Variants in SNX25 observed in about 807,000 individuals in gnomAD.
SNX25 encodes sorting nexin-25.
Under a neutral mutation model 113.7 loss-of-function variants are expected in SNX25, and 62 were observed. The observed-to-expected ratio is 0.55, with a 90% CI of 0.44 to 0.67. The LOEUF is 0.67. SNX25 is among the 30% of genes least tolerant of loss of function. The pLI, the probability that SNX25 is intolerant of heterozygous loss-of-function variation, is 0.00. For missense variants in SNX25, 1,014 were observed against 1,161.0 expected, an observed-to-expected ratio of 0.87 and a Z score of 1.84; for synonymous variants, 421 against 436.2, an observed-to-expected ratio of 0.97 and a Z score of 0.43.
At chr4:185,264,722 G>C in intron 4 of SNX25, 112 bp downstream of exon 4, 1 of 1,163,242 alleles carries the variant, frequency 8.6e-7, no homozygotes, top group Non-Finnish European at 1.2e-6. Flanking sequence ...TCAAAATCTT[G>C]TTTATATGTC....
intron 5 of SNX25, among the ~76,000 whole-genome samples, chr4:185,271,470 A>T (rs997461542): frequency 1.9e-4 from 29 of 152,134 alleles, no homozygotes; most frequent in Admixed American, 3.9e-4. Context: ...GCTGGTCTTG[A>T]ACTCCTGGCC....
At chr4:185,275,749 A>G (rs1238999456) in intron 5 of SNX25, among the ~76,000 whole-genome samples, 2 of 152,230 alleles carry the variant, frequency 1.3e-5, no homozygotes, top group East Asian at 3.8e-4. Flanking sequence ...GTACCTCCAT[A>G]CAAACTAATA....
chr4:185,275,830 T>A (rs1579579270), intron 5 of SNX25, among the ~76,000 whole-genome samples: 1 of 152,258 alleles, frequency 6.6e-6, no homozygotes, highest in Middle Eastern at 3.4e-3. Context: ...GACAAGGAGA[T>A]GAAAAATCAT....
chr4:185,267,042 C>T lies in SNX25; in HGVS notation c.978C>T (p.Tyr326=). Residue 326 remains tyrosine, a synonymous_variant, in exon 5 of 19, where the codon TAC becomes TAT. Coordinates refer to ENST00000652585, the MANE Select transcript of SNX25 (RefSeq NM_001378034.2). The part of the protein sequence containing the change: ...INQMLLAQLA[Y]REQMNEHHKR... ...AAATGCTGCTTGCCCAGCTGGCGTACAGAGAGCAAATGAATGAGCATCACA... is the reference window on the plus strand; with the variant it reads ...AAATGCTGCTTGCCCAGCTGGCGTATAGAGAGCAAATGAATGAGCATCACA... 6.2e-7 allele frequency: 1 copy of T among 1,614,040 alleles called. No homozygotes were observed. Among genetic ancestry groups the T allele is most frequent in the Non-Finnish European group, 8.5e-7 (1 of 1,179,962 alleles).
At chr4:185,306,900 T>G (rs1485205085) in intron 6 of SNX25, among the ~76,000 whole-genome samples, 1 of 151,930 alleles carries the variant, frequency 6.6e-6, no homozygotes, top group Non-Finnish European at 1.5e-5. Context: ...TTTTTCCTGT[T>G]GAGATAAATG....
chr4:185,323,717 A>G lies in SNX25; in HGVS notation c.1666A>G (p.Ile556Val). 6.2e-7 allele frequency: 1 copy of G among 1,613,810 alleles called. No homozygotes were observed. The highest frequency in any genetic ancestry group is 8.5e-7 in the Non-Finnish European group (1 of 1,179,818). ...TLKDRYYPSF[I>V]VSDLYEKLLI... ...AAAGGATAGGTATTACCCTTCATTT[A>G]TTGTCAGTGACCTGTATGAGAAATT... The change falls in exon 9 of 19, where the codon ATT (isoleucine) becomes GTT (valine). Residue 556 changes from isoleucine to valine, a missense_variant. Transcript: ENST00000652585.
chr4:185,347,448 T>TTTTTGTTTTG (rs1228177028), intron 13 of SNX25, among the ~76,000 whole-genome samples: 6 of 151,716 alleles, frequency 4.0e-5, no homozygotes, highest in African/African-American at 1.5e-4. Context: ...TTGGTGTTTT[T>TTTTTGTTTTG]TTTTGTTTTC....
chr4:185,222,432 GCCCTATACCCCTCCCTCGC>G (rs1560901983), intron 1 of SNX25, among the ~76,000 whole-genome samples: 3 of 148,358 alleles, frequency 2.0e-5, no homozygotes, highest in Admixed American at 6.7e-5. Flanking sequence ...GGTATTCAGC[GCCCTATACCCCTCCCTCGC>G]GGTAGGTATT....
chr4:185,309,446 G>A (rs1332043332), intron 6 of SNX25, among the ~76,000 whole-genome samples: 2 of 152,314 alleles, frequency 1.3e-5, no homozygotes, highest in African/African-American at 2.4e-5. Context: ...CATTGCAGCC[G>A]TTTTTGGAAA....
the SNX25 span, chr4:185,378,491 T>TG: frequency 8.9e-7 from 1 of 1,129,620 alleles, no homozygotes; most frequent in African/African-American, 1.6e-5. Context: ...TACATCAAGA[T>TG]GGGTCAAGTC....
At position 185,362,653 on chromosome 4, in the gene SNX25, G is replaced by T. The variant is rs746081826; in HGVS notation, c.2876G>T (p.Gly959Val). The change falls in exon 18 of 19, where the codon GGT becomes GTT. Residue 959 changes from glycine to valine, a missense_variant. Physicochemically the swap from Gly to Val is moderately radical, Grantham distance 109. Coordinates refer to ENST00000652585, the MANE Select transcript of SNX25 (RefSeq NM_001378034.2). ...SLVGQQNARH[G>V]IIKIFNALQE... is the part of the protein sequence containing the mutation. ...GTTGGACAGCAAAATGCCCGCCACGGTATAATAAAAATATTCAATGCACTG... is the reference window on the plus strand; with the variant it reads ...GTTGGACAGCAAAATGCCCGCCACGTTATAATAAAAATATTCAATGCACTG... 1 of 1,613,898 alleles carries T rather than the reference G, an allele frequency of 6.2e-7. No homozygotes were observed.
intron 1 of SNX25, among the ~76,000 whole-genome samples, chr4:185,237,580 A>G (rs1394168140): frequency 6.6e-6 from 1 of 152,064 alleles, no homozygotes; most frequent in East Asian, 1.9e-4. Flanking sequence ...TGTATTTGTG[A>G]TACTGTCTGG....
chr4:185,369,669 A>T (rs567833601), intron 11 of SNX25: 9 of 398,908 alleles, frequency 2.3e-5, no homozygotes, highest in African/African-American at 1.9e-4. Context: ...TTTATGTTTT[A>T]ATATGGCTTT....
At chr4:185,289,976 G>A (rs572985142) in intron 6 of SNX25, among the ~76,000 whole-genome samples, 7 of 152,260 alleles carry the variant, frequency 4.6e-5, no homozygotes, top group South Asian at 2.1e-4. Context: ...TTCTGAGAGC[G>A]GTGAGGAAGG....
chr4:185,255,690 T>C (rs527560558), intron 2 of SNX25, among the ~76,000 whole-genome samples: 2 of 152,202 alleles, frequency 1.3e-5, no homozygotes, highest in Non-Finnish European at 2.9e-5. Context: ...CAGCTTATCT[T>C]GTTCACCTAT....
chr4:185,323,045 T>C (rs1023996122), intron 8 of SNX25, among the ~76,000 whole-genome samples: 2 of 152,204 alleles, frequency 1.3e-5, no homozygotes, highest in Admixed American at 1.3e-4. Flanking sequence ...CTGTCTAATA[T>C]AAGCTTGACT....
intron 3 of SNX25, among the ~76,000 whole-genome samples, chr4:185,263,824 G>C (rs1246626885): frequency 1.3e-5 from 2 of 152,174 alleles, no homozygotes; most frequent in African/African-American, 4.8e-5. Context: ...AGAAAGTTCT[G>C]TTTTCCAGTC....
chr4:185,240,807 G>A (rs533123094), intron 1 of SNX25, among the ~76,000 whole-genome samples: 20 of 151,036 alleles, frequency 1.3e-4, no homozygotes, highest in African/African-American at 4.4e-4. Context: ...CAGACGGGGC[G>A]GTTGCCAGGC....
chr4:185,375,311 G>C, the SNX25 span, among the ~76,000 whole-genome samples: 1 of 148,750 alleles, frequency 6.7e-6, no homozygotes, highest in African/African-American at 2.5e-5. Context: ...ACAAAAATTA[G>C]CCAGGCGTGG....
Sources: allele counts gnomAD v4.1 joint callset (sites outside exome capture counted in the v4.1 genomes callset), GRCh38; gene constraint gnomAD v4.1.1; transcripts MANE v1.5; gene names NCBI Gene and HGNC (gene_info 2026-07-23, HGNC 2026-07-21).